RAPGEF4: variants seen among roughly 807,000 people sequenced by gnomAD.
The protein encoded by RAPGEF4 is Rap guanine nucleotide exchange factor 4.
RAPGEF4 carries 66 observed loss-of-function variants against 147.9 expected under a neutral mutation model. The observed-to-expected ratio is 0.45, with a 90% confidence interval of 0.37 to 0.55. The LOEUF (loss-of-function observed/expected upper bound fraction) is 0.55, where lower values mean the gene tolerates loss of function less well. RAPGEF4 is among the 20% of genes least tolerant of loss of function. The pLI, the probability that RAPGEF4 is intolerant of heterozygous loss-of-function variation, is 0.00. For synonymous variants in RAPGEF4, 419 were observed against 442.7 expected, an observed-to-expected ratio of 0.95 and a Z score of 0.67; for missense variants, 1,071 against 1,257.3, an observed-to-expected ratio of 0.85 and a Z score of 2.24.
intron 6 of RAPGEF4, among the ~76,000 whole-genome samples, chr2:172,938,214 T>TACACACACACACAC (rs57780996): frequency 6.7e-6 from 1 of 148,160 alleles, no homozygotes; most frequent in African/African-American, 2.5e-5. Context: ...TATCTGTAAG[T>TACACACACACACAC]ACACACACAC....
chr2:172,879,140 A>G (rs1462449523), intron 4 of RAPGEF4, among the ~76,000 whole-genome samples: 2 of 152,176 alleles, frequency 1.3e-5, no homozygotes, highest in African/African-American at 4.8e-5. Context: ...GCTATAGCCA[A>G]CTACTGGAAA....
intron 4 of RAPGEF4, among the ~76,000 whole-genome samples, chr2:172,891,633 A>G (rs1697925361): frequency 6.6e-6 from 1 of 152,182 alleles, no homozygotes; most frequent in Non-Finnish European, 1.5e-5. Flanking sequence ...GGGGACATAG[A>G]TGGGTGCACG....
chr2:173,001,887 G>A (rs1395883687), intron 17 of RAPGEF4, among the ~76,000 whole-genome samples: 3 of 149,448 alleles, frequency 2.0e-5, no homozygotes, highest in Non-Finnish European at 3.0e-5. Flanking sequence ...CTCCAGCATT[G>A]AGGATTACAT....
chr2:172,815,964 A>C (rs917427731), intron 4 of RAPGEF4, among the ~76,000 whole-genome samples: 3 of 152,190 alleles, frequency 2.0e-5, no homozygotes, highest in African/African-American at 7.2e-5. Context: ...ATGTAGAGCC[A>C]TACTTGCTTC....
chr2:173,048,394 C>T, intron 29 of RAPGEF4: 1 of 1,136,138 alleles, frequency 8.8e-7, no homozygotes, highest in Non-Finnish European at 1.2e-6. Context: ...ATATTCCTTA[C>T]CTGAAAATGC....
intron 4 of RAPGEF4, among the ~76,000 whole-genome samples, chr2:172,834,608 TTTCTTC>T (rs933264185): frequency 6.6e-6 from 1 of 152,080 alleles, no homozygotes; most frequent in Non-Finnish European, 1.5e-5. Flanking sequence ...CAACTGCTTT[TTTCTTC>T]TTCTTCTTCT....
intron 10 of RAPGEF4, among the ~76,000 whole-genome samples, chr2:172,967,857 C>T (rs1690017998): frequency 6.6e-6 from 1 of 152,228 alleles, no homozygotes; most frequent in African/African-American, 2.4e-5. Context: ...TGTTCCTTCA[C>T]TCATTCAGCA....
At chr2:172,822,083 C>A in intron 4 of RAPGEF4, 1 of 1,378,308 alleles carries the variant, frequency 7.3e-7, no homozygotes, top group South Asian at 1.3e-5. Context: ...TCTGGCTTTT[C>A]TAATTATGTT....
At chr2:172,771,236 C>T (rs1683543283) in intron 1 of RAPGEF4, among the ~76,000 whole-genome samples, 1 of 152,036 alleles carries the variant, frequency 6.6e-6, no homozygotes, top group African/African-American at 2.4e-5. Context: ...ATAGGTGGTG[C>T]CCTCTTGCTG....
In RAPGEF4 at chr2:172,795,187, T is replaced by C; in HGVS notation, c.208+20T>C. 6.3e-7 allele frequency: 1 copy of C among 1,576,566 alleles called. No homozygotes were observed. The highest frequency in any genetic ancestry group is 8.7e-7 in the Non-Finnish European group (1 of 1,148,072). The stretch of plus-strand genomic sequence containing the variant: ...TAACATGTAAGAAATGCAACTCTTG[T>C]AGTATATTTCCATGTATGGTTTATG... On this transcript the variant is annotated intron_variant, in intron 2 of 30. Transcript: ENST00000397081.
At chr2:173,039,624 A>G (rs1303422895) in intron 29 of RAPGEF4, among the ~76,000 whole-genome samples, 1 of 152,152 alleles carries the variant, frequency 6.6e-6, no homozygotes, top group Non-Finnish European at 1.5e-5. Context: ...AGGTGAAGGC[A>G]TGCTTCATCC....
chr2:173,001,256 C>T lies in RAPGEF4; in HGVS notation c.1580-10C>T, dbSNP rs371357165. ...ACCTAATTTCCTTTTCTGTTTTTTTCCCCTTCCAGATTCTGTTTTAAATGA... is the reference window on the plus strand; with the variant it reads ...ACCTAATTTCCTTTTCTGTTTTTTTTCCCTTCCAGATTCTGTTTTAAATGA... On this transcript the variant is annotated splice_polypyrimidine_tract_variant and intron_variant, in intron 16 of 30. Coordinates refer to ENST00000397081, the MANE Select transcript of RAPGEF4 (RefSeq NM_007023.4). 1 of 1,580,670 alleles carries T rather than the reference C, an allele frequency of 6.3e-7. No homozygotes were observed. The highest frequency in any genetic ancestry group is 8.7e-7 in the Non-Finnish European group (1 of 1,155,106).
Position 173,052,383 on chromosome 2 carries a change from T to G in RAPGEF4, c.*616T>G, listed in dbSNP as rs1047926139. ...CTGAATGTATATAGAATAATATTTA[T>G]GTTTACAATGTAACTTTTCAAAATT... On this transcript the variant is annotated 3_prime_UTR_variant, in exon 31 of 31. Transcript: ENST00000397081. The G allele has an allele frequency of 4.6e-5, 7 of 152,664 alleles. No individual in the cohort carries two copies. Among genetic ancestry groups the G allele is most frequent in the Non-Finnish European group, 7.3e-5 (5 of 68,040 alleles). 9.5% of individuals were successfully genotyped at this position (152,664 alleles called of 1,614,324 possible). A position where few individuals can be genotyped will look rare whatever the true frequency, so the allele number is the denominator to read the frequency against.
At chr2:173,022,868 G>A (rs1322101048) in intron 23 of RAPGEF4, among the ~76,000 whole-genome samples, 2 of 152,212 alleles carry the variant, frequency 1.3e-5, no homozygotes, top group Non-Finnish European at 2.9e-5. Flanking sequence ...ATAAATATCA[G>A]TACAGAGCAA....
At chr2:172,988,626 G>A (rs1269774995) in intron 13 of RAPGEF4, 67 bp from the exon 14 acceptor site, 13 of 1,503,086 alleles carry the variant, frequency 8.6e-6, no homozygotes, top group African/African-American at 2.8e-5. Context: ...GGGTCTTGTG[G>A]CAGGAGGTGG....
chr2:173,045,270 T>A (rs529507565), intron 29 of RAPGEF4, among the ~76,000 whole-genome samples: 4 of 152,340 alleles, frequency 2.6e-5, no homozygotes, highest in African/African-American at 9.6e-5. Flanking sequence ...CTGAGAGGTT[T>A]AATTCATGAA....
chr2:172,903,187 G>A (rs894968630), intron 4 of RAPGEF4, among the ~76,000 whole-genome samples: 1 of 151,988 alleles, frequency 6.6e-6, no homozygotes, highest in Non-Finnish European at 1.5e-5. Context: ...TGATCAACAT[G>A]GTGAAACCTC....
intron 10 of RAPGEF4, among the ~76,000 whole-genome samples, chr2:172,969,730 T>C (rs748899809): frequency 6.6e-6 from 1 of 152,234 alleles, no homozygotes; most frequent in Non-Finnish European, 1.5e-5. Context: ...GTGCCTGCTG[T>C]ATGCTAGGAA....
At chr2:172,868,029 T>C (rs531421460) in intron 4 of RAPGEF4, among the ~76,000 whole-genome samples, 5 of 152,202 alleles carry the variant, frequency 3.3e-5, no homozygotes, top group Non-Finnish European at 7.3e-5. Context: ...CGTAGTTAAA[T>C]TAATCCAAAA....
Sources: allele counts gnomAD v4.1 joint callset (sites outside exome capture counted in the v4.1 genomes callset), GRCh38; gene constraint gnomAD v4.1.1; transcripts MANE v1.5; gene names NCBI Gene and HGNC (gene_info 2026-07-23, HGNC 2026-07-21).